Variants in FAM135B observed in about 807,000 individuals in gnomAD.
FAM135B encodes the protein protein FAM135B.
Under a neutral mutation model 127.7 loss-of-function variants are expected in FAM135B, and 43 were observed. That is an observed-to-expected ratio of 0.34 (90% CI 0.26 to 0.43). FAM135B has a LOEUF of 0.43. Among genes scored for constraint, FAM135B ranks in the 20% least tolerant of loss-of-function variants. The pLI is 1.00. For missense variants in FAM135B, 1,558 were observed against 1,725.6 expected (o/e 0.90, Z 1.72); for synonymous variants, 670 against 665.1 (o/e 1.01, Z -0.11).
Position 138,333,009 on chromosome 8 carries a change from G to A in FAM135B, c.78-22089C>T, listed in dbSNP as rs573333277. On this transcript the variant is annotated intron_variant, in intron 2 of 19. Coordinates refer to ENST00000395297, the MANE Select transcript of FAM135B (RefSeq NM_015912.4). ...CACACACACACACACACACACACAC[G>A]CTTGTATTTTAGATTAACAGTCCTC... Among the ~76,000 whole-genome samples the A allele has an allele frequency of 2.3e-4, 34 of 151,060 alleles. No individual in the cohort carries two copies. The East Asian group carries it at 2.6e-3, about 11-fold the overall frequency.
intron 1 of FAM135B, among the ~76,000 whole-genome samples, chr8:138,375,513 A>C (rs1224573216): frequency 6.6e-6 from 1 of 152,164 alleles, no homozygotes; most frequent in Middle Eastern, 3.2e-3. Context: ...CTCCTCTGTA[A>C]AACAACGAAT....
intron 1 of FAM135B, among the ~76,000 whole-genome samples, chr8:138,407,910 G>C (rs1317753300): frequency 6.6e-6 from 1 of 152,168 alleles, no homozygotes; most frequent in Non-Finnish European, 1.5e-5. Context: ...TGACAAATGG[G>C]AGTAGTAATA....
intron 1 of FAM135B, among the ~76,000 whole-genome samples, chr8:138,433,288 G>A (rs574768214): frequency 2.0e-5 from 3 of 152,104 alleles, no homozygotes; most frequent in East Asian, 1.9e-4. Flanking sequence ...TTGGGAGGCC[G>A]AGAAGGGCAG....
chr8:138,163,493 T>G (rs1382664843), intron 12 of FAM135B, among the ~76,000 whole-genome samples: 1 of 152,112 alleles, frequency 6.6e-6, no homozygotes, highest in Non-Finnish European at 1.5e-5. Context: ...AGGGACCTGG[T>G]GGGACTTAAT....
intron 1 of FAM135B, among the ~76,000 whole-genome samples, chr8:138,417,472 C>T (rs969405333): frequency 6.6e-6 from 1 of 152,186 alleles, no homozygotes; most frequent in African/African-American, 2.4e-5. Context: ...CACTCGCCCA[C>T]AATCTCCCCT....
At chr8:138,433,996 C>T (rs1444376287) in intron 1 of FAM135B, among the ~76,000 whole-genome samples, 1 of 152,202 alleles carries the variant, frequency 6.6e-6, no homozygotes, top group African/African-American at 2.4e-5. Context: ...GGAAAACAAG[C>T]ATTTCTGCTT....
Position 138,243,152 on chromosome 8 carries a change from C to G in FAM135B, c.543-84G>C. On this transcript the variant is annotated intron_variant, in intron 6 of 19. Coordinates refer to ENST00000395297, the MANE Select transcript of FAM135B (RefSeq NM_015912.4). The surrounding 1 kb of genome is among the most constrained non-coding windows in gnomAD (Gnocchi z 7.5). ...AACTCAGCCCCTTTGAGGAGTGTTC[C>G]TGTGAAGCATTTGGGATAAGTCATT... is the stretch of plus-strand genomic sequence containing the variant. 2.0e-6 allele frequency: 3 copies of G among 1,482,046 alleles called. No individual in the cohort carries two copies. The highest frequency in any genetic ancestry group is 2.7e-6 in the Non-Finnish European group (3 of 1,110,212). 91.8% of individuals were successfully genotyped at this position (1,482,046 alleles called of 1,614,324 possible). A position where few individuals can be genotyped will look rare whatever the true frequency, so the allele number is the denominator to read the frequency against.
intron 3 of FAM135B, among the ~76,000 whole-genome samples, chr8:138,278,766 G>A (rs967051652): frequency 2.0e-4 from 30 of 151,876 alleles, no homozygotes; most frequent in African/African-American, 6.0e-4. Flanking sequence ...GTTTCGCCAC[G>A]TTGGCCAGTC....
At chr8:138,300,091 C>T (rs1352852967) in intron 3 of FAM135B, among the ~76,000 whole-genome samples, 1 of 151,958 alleles carries the variant, frequency 6.6e-6, no homozygotes, top group Non-Finnish European at 1.5e-5. Context: ...CTTCAGCCTC[C>T]CGAGTAGCTG....
At chr8:138,239,119 G>C (rs1002289273) in intron 7 of FAM135B, among the ~76,000 whole-genome samples, 4 of 152,158 alleles carry the variant, frequency 2.6e-5, no homozygotes, top group African/African-American at 9.7e-5. Flanking sequence ...ATCCTCCCTA[G>C]AAGGTAGATG....
intron 6 of FAM135B, among the ~76,000 whole-genome samples, chr8:138,244,629 C>T (rs1029182269): frequency 2.0e-5 from 3 of 152,178 alleles, no homozygotes; most frequent in African/African-American, 7.2e-5. Context: ...TTTTCAATTG[C>T]AAGTTGAAGC....
chr8:138,364,530 T>A (rs1442008565), intron 2 of FAM135B, among the ~76,000 whole-genome samples: 6 of 152,144 alleles, frequency 3.9e-5, no homozygotes, highest in African/African-American at 1.4e-4. Flanking sequence ...CTCATCCACA[T>A]CTGAAGTATG....
chr8:138,378,485 T>G (rs1563951350), intron 1 of FAM135B, among the ~76,000 whole-genome samples: 1 of 152,140 alleles, frequency 6.6e-6, no homozygotes, highest in Non-Finnish European at 1.5e-5. Context: ...GAAGCAAACC[T>G]AAAAACAGTT....
At chr8:138,477,506 T>C (rs1814545050) in intron 1 of FAM135B, 1 of 152,224 alleles carries the variant, frequency 6.6e-6, no homozygotes, top group South Asian at 2.1e-4. Context: ...CATTATGAGC[T>C]GCTTGATCGT....
intron 1 of FAM135B, among the ~76,000 whole-genome samples, chr8:138,468,937 C>T (rs772707110): frequency 1.3e-5 from 2 of 152,070 alleles, no homozygotes; most frequent in African/African-American, 2.4e-5. Flanking sequence ...TCCAGCTACT[C>T]GGAAGGCTGA....
chr8:138,429,912 G>GGTCATACA (rs1361089979), intron 1 of FAM135B, among the ~76,000 whole-genome samples: 11 of 152,078 alleles, frequency 7.2e-5, no homozygotes, highest in Non-Finnish European at 1.2e-4. Context: ...ATAAATTCTA[G>GGTCATACA]GTCATACAGT....
chr8:138,365,476 T>C (rs1519375), intron 2 of FAM135B, among the ~76,000 whole-genome samples: 4,892 of 152,230 alleles, frequency 0.032, 156 homozygotes, highest in East Asian at 0.17. Flanking sequence ...GCATTGTAAG[T>C]ATTTATGCTT....
intron 2 of FAM135B, among the ~76,000 whole-genome samples, chr8:138,355,210 C>T (rs1830019308): frequency 6.6e-6 from 1 of 152,164 alleles, no homozygotes; most frequent in Non-Finnish European, 1.5e-5. Context: ...CCAGCCATCC[C>T]ATTACTGGGT....
intron 7 of FAM135B, among the ~76,000 whole-genome samples, chr8:138,211,697 T>C (rs1310832482): frequency 6.6e-6 from 1 of 152,222 alleles, no homozygotes; most frequent in Non-Finnish European, 1.5e-5. Context: ...CTGAATGCTG[T>C]GAACACCTTC....
Sources: gnomAD v4.1 joint callset for allele counts (sites outside exome capture counted in the v4.1 genomes callset) on GRCh38, gnomAD v4.1.1 for gene constraint, Gnocchi (gnomAD v3.1) non-coding constraint, MANE v1.5 for transcripts, NCBI Gene and HGNC (gene_info 2026-07-23, HGNC 2026-07-21) for gene names.